Variants in RANBP2 observed in about 807,000 individuals in gnomAD.
RANBP2 encodes the protein E3 SUMO-protein ligase RanBP2.
Under a neutral mutation model 303.6 loss-of-function variants are expected in RANBP2, and 57 were observed. That is an observed-to-expected ratio of 0.19 (90% CI 0.15 to 0.23). The LOEUF is 0.23. Ranked by LOEUF, RANBP2 falls within the 10% of genes least tolerant of loss-of-function variation. The pLI, the probability that RANBP2 is intolerant of heterozygous loss-of-function variation, is 1.00. For synonymous variants in RANBP2, 1,167 were observed against 1,301.5 expected (o/e 0.90, Z 2.23); for missense variants, 3,138 against 3,780.8 (o/e 0.83, Z 4.46).
the RANBP2 span, among the ~76,000 whole-genome samples, chr2:109,523,526 A>C: frequency 3.3e-5 from 5 of 151,972 alleles, no homozygotes; most frequent in Non-Finnish European, 5.9e-5. Flanking sequence ...CCATTGATTG[A>C]TCTTATGTGT....
At chr2:109,205,853 G>C in the RANBP2 span, among the ~76,000 whole-genome samples, 3 of 152,206 alleles carry the variant, frequency 2.0e-5, no homozygotes, top group Admixed American at 2.0e-4. Context: ...TAAAGTTGGA[G>C]TTTTCTCCTT....
At chr2:108,743,162 C>T (rs533707195) in intron 7 of RANBP2, among the ~76,000 whole-genome samples, 16 of 152,308 alleles carry the variant, frequency 1.1e-4, no homozygotes, top group South Asian at 2.1e-4. Flanking sequence ...CTGTGTCACC[C>T]GGGCTGGAGT....
At chr2:109,156,995 C>T in the RANBP2 span, among the ~76,000 whole-genome samples, 1 of 152,206 alleles carries the variant, frequency 6.6e-6, no homozygotes, top group Non-Finnish European at 1.5e-5. Flanking sequence ...TGAAATCACA[C>T]ATAAATGACA....
Position 108,751,860 on chromosome 2 carries a change from C to A in RANBP2, c.1632-11C>A. 6.2e-7 allele frequency: 1 copy of A among 1,611,948 alleles called. No individual in the cohort carries two copies. The highest frequency in any genetic ancestry group is 8.5e-7 in the Non-Finnish European group (1 of 1,179,858). On this transcript the variant is annotated splice_polypyrimidine_tract_variant and intron_variant, in intron 11 of 28. Coordinates refer to ENST00000283195, the MANE Select transcript of RANBP2 (RefSeq NM_006267.5). ...TAGAAAGCAATTTTAGTAAATTGAA[C>A]TATTTTTTAGACCTGGAAACGTAGC...
chr2:109,533,059 C>G, the RANBP2 span, among the ~76,000 whole-genome samples: 1 of 152,104 alleles, frequency 6.6e-6, no homozygotes, highest in South Asian at 2.1e-4. Context: ...CACAAATAGA[C>G]ACGTCAGGTG....
At chr2:108,912,575 A>G in the RANBP2 span, 2 of 1,092,936 alleles carry the variant, frequency 1.8e-6, no homozygotes, top group Non-Finnish European at 2.7e-6. Flanking sequence ...CAGGTGGGGA[A>G]GCGCACCATA....
the RANBP2 span, among the ~76,000 whole-genome samples, chr2:108,816,416 A>C: frequency 1.3e-5 from 2 of 152,118 alleles, no homozygotes; most frequent in Non-Finnish European, 2.9e-5. Context: ...GCAGCACTGC[A>C]CTCCAGCCTG....
In RANBP2 at chr2:108,756,268, C is replaced by T. The variant is rs1182461297; in HGVS notation, c.2466+1009C>T. On this transcript the variant is annotated intron_variant, in intron 17 of 28. Transcript: ENST00000283195. Reference sequence around the variant, plus strand: ...AGGAATTGAAAAGTGGTCTGAGCTTCAAAAAGTCTTACTATATTTTAATAC... The same window carrying T: ...AGGAATTGAAAAGTGGTCTGAGCTTTAAAAAGTCTTACTATATTTTAATAC... Among the ~76,000 whole-genome samples, 3 of 152,222 alleles carry T rather than the reference C, an allele frequency of 2.0e-5. 1 individual carries two copies. The highest frequency in any genetic ancestry group is 2.0e-4 in the Admixed American group (3 of 15,284).
chr2:108,724,816 G>A (rs1694562908), intron 1 of RANBP2, among the ~76,000 whole-genome samples: 1 of 151,356 alleles, frequency 6.6e-6, no homozygotes, highest in Admixed American at 6.6e-5. Context: ...GTATAATCGC[G>A]GCCTTCACCC....
At chr2:109,479,286 CTTAG>C in the RANBP2 span, among the ~76,000 whole-genome samples, 141 of 152,172 alleles carry the variant, frequency 9.3e-4, no homozygotes, top group East Asian at 2.9e-3. Flanking sequence ...GGTCCTGTGA[CTTAG>C]TTAGGGGAGT....
chr2:109,760,400 G>GGGCGGGGGCGGCGGCGGCGGCGGC, the RANBP2 span: 1 of 707,896 alleles, frequency 1.4e-6, no homozygotes, highest in African/African-American at 2.3e-5. Flanking sequence ...GGCGGGGCGG[G>GGGCGGGGGCGGCGGCGGCGGCGGC]GGCGGCGGCG....
the RANBP2 span, among the ~76,000 whole-genome samples, chr2:109,046,974 T>C: frequency 5.3e-5 from 8 of 151,932 alleles, no homozygotes; most frequent in Non-Finnish European, 7.4e-5. Context: ...GCAACCCTGC[T>C]CATCCTCCTG....
At chr2:108,864,243 C>G in the RANBP2 span, among the ~76,000 whole-genome samples, 1 of 151,902 alleles carries the variant, frequency 6.6e-6, no homozygotes, top group Non-Finnish European at 1.5e-5. Flanking sequence ...GCTAAGAAAG[C>G]AAATAATTAA....
chr2:109,704,703 T>C, the RANBP2 span, among the ~76,000 whole-genome samples: 309 of 151,764 alleles, frequency 2.0e-3, 6 homozygotes, highest in Admixed American at 0.02. Context: ...ATACAAAAAT[T>C]AGCTGGGCGT....
chr2:109,714,653 C>G, the RANBP2 span, among the ~76,000 whole-genome samples: 225 of 151,040 alleles, frequency 1.5e-3, no homozygotes, highest in African/African-American at 5.4e-3. Flanking sequence ...TCTGTATTGC[C>G]CAGGCTGGAG....
chr2:109,324,686 A>G, the RANBP2 span, among the ~76,000 whole-genome samples: 3 of 151,970 alleles, frequency 2.0e-5, no homozygotes, highest in Non-Finnish European at 4.4e-5. Flanking sequence ...CTGGATCCCA[A>G]AGCTGTGGAT....
chr2:109,564,248 T>G, the RANBP2 span: 1 of 922,530 alleles, frequency 1.1e-6, no homozygotes, highest in South Asian at 4.2e-5. Flanking sequence ...ACCAAATGAT[T>G]CTATATCATG....
the RANBP2 span, among the ~76,000 whole-genome samples, chr2:109,002,207 C>A: frequency 6.6e-6 from 1 of 152,226 alleles, no homozygotes; most frequent in Non-Finnish European, 1.5e-5. Context: ...CAGGAGGCCC[C>A]CAGAGGAGGA....
At chr2:109,553,191 G>A in the RANBP2 span, 4 of 1,614,028 alleles carry the variant, frequency 2.5e-6, no homozygotes, top group South Asian at 4.4e-5. Flanking sequence ...TGGAACTCAT[G>A]TCTTTTGGCT....
Sources: allele counts gnomAD v4.1 joint callset (sites outside exome capture counted in the v4.1 genomes callset), GRCh38; gene constraint gnomAD v4.1.1; transcripts MANE v1.5; gene names NCBI Gene and HGNC (gene_info 2026-07-23, HGNC 2026-07-21).